PIGK: variants seen among roughly 807,000 people sequenced by gnomAD.
PIGK encodes phosphatidylinositol glycan anchor biosynthesis class K, also known as GPI-anchor transamidase.
In PIGK, 42 loss-of-function variants were observed where a neutral mutation model predicts 50.6. The ratio of observed to expected loss-of-function variants is 0.83; its 90% CI spans 0.65 to 1.07. The LOEUF is 1.07. PIGK is among the 50% of genes least tolerant of loss of function. PIGK has a pLI of 0.00. For missense variants in PIGK, 448 were observed against 488.7 expected (o/e 0.92, Z 0.78); for synonymous variants, 151 against 156.0 (o/e 0.97, Z 0.24).
rs143566179 is a variant in PIGK at position 77,166,869 on chromosome 1, AC to A, written c.376-40del. 3,051 of 948,916 alleles carry A rather than the reference AC, an allele frequency of 3.2e-3. 68 individuals are homozygous for A. In the African/African-American group the frequency reaches 0.045, roughly 14 times the overall value. 58.8% of individuals were successfully genotyped at this position (948,916 alleles called of 1,614,324 possible). ...AACAAGAAAAATCAGATGAAATAAAACCTGGGAAATCTTGACAAATTACTTT... is the reference window on the plus strand; with the variant it reads ...AACAAGAAAAATCAGATGAAATAAAACTGGGAAATCTTGACAAATTACTTT... On this transcript the variant is annotated intron_variant, in intron 4 of 10. Transcript: ENST00000370812.
chr1:77,166,913 C>T, intron 4 of PIGK, 83 bp from the exon 5 acceptor site: 1 of 722,032 alleles, frequency 1.4e-6, no homozygotes, highest in Admixed American at 2.8e-5. Flanking sequence ...CAAAAATGTT[C>T]ATTGTTCTTT....
At chr1:77,104,299 A>G (rs771543027) in intron 10 of PIGK, among the ~76,000 whole-genome samples, 27 of 152,176 alleles carry the variant, frequency 1.8e-4, no homozygotes, top group Admixed American at 8.5e-4. Context: ...TTCAATGGAC[A>G]GGGATCTGAA....
At chr1:77,166,680 A>G (rs1239477181) in intron 5 of PIGK, 39 bp downstream of exon 5, 1 of 970,858 alleles carries the variant, frequency 1.0e-6, no homozygotes, top group Non-Finnish European at 1.6e-6. Flanking sequence ...AAAGAGTTTC[A>G]ATATACTCTA....
intron 9 of PIGK, among the ~76,000 whole-genome samples, chr1:77,148,871 C>T (rs1324591170): frequency 4.6e-5 from 7 of 152,148 alleles, no homozygotes; most frequent in South Asian, 2.1e-4. Context: ...CGCACTGCCA[C>T]GCTCAGCTAA....
chr1:77,167,919 G>T (rs1415003443), intron 4 of PIGK, among the ~76,000 whole-genome samples: 9 of 151,920 alleles, frequency 5.9e-5, no homozygotes, highest in Admixed American at 5.9e-4. Flanking sequence ...TCACTACCTG[G>T]GTGACAGGCT....
chr1:77,121,458 C>T (rs1340071796), intron 10 of PIGK, among the ~76,000 whole-genome samples: 1 of 152,096 alleles, frequency 6.6e-6, no homozygotes, highest in African/African-American at 2.4e-5. Context: ...AAAGTTCTAA[C>T]TGGCACTTCT....
intron 2 of PIGK, among the ~76,000 whole-genome samples, chr1:77,207,230 A>G (rs1319565165): frequency 1.3e-5 from 2 of 152,234 alleles, no homozygotes; most frequent in Non-Finnish European, 2.9e-5. Context: ...AACTAGTATT[A>G]GATTTTAAAA....
rs761731119 is a variant in PIGK at position 77,154,449 on chromosome 1, C to G, written c.986G>C (p.Ser329Thr). Residue 329 changes from serine (S) to threonine (T), a missense_variant and splice_region_variant, in exon 9 of 11, where the codon AGC becomes ACC. Transcript: ENST00000370812. ...TCAAATAATGGTTTAAGATGAATAC[C>G]TGCTTTCCATGATTTCTGAATCCTG... is the stretch of plus-strand genomic sequence containing the variant. ...LQQDSEIMESSYKEDQMDEKL... is the reference protein window; with the variant it reads ...LQQDSEIMESTYKEDQMDEKL... 6.2e-7 allele frequency: 1 copy of G among 1,601,790 alleles called. No homozygotes were observed. Among genetic ancestry groups the G allele is most frequent in the African/African-American group, 1.3e-5 (1 of 74,722 alleles).
intron 7 of PIGK, 69 bp from the exon 8 acceptor site, chr1:77,161,474 A>G: frequency 9.5e-7 from 1 of 1,055,070 alleles, no homozygotes; most frequent in Non-Finnish European, 1.5e-6. Flanking sequence ...ATGTAACCAA[A>G]ATTTCCTTCT....
At chr1:77,156,808 T>C (rs998202616) in intron 8 of PIGK, among the ~76,000 whole-genome samples, 4 of 152,172 alleles carry the variant, frequency 2.6e-5, no homozygotes, top group Non-Finnish European at 2.9e-5. Context: ...TTAGTAGATA[T>C]TCAATGAGCA....
chr1:77,111,083 C>T (rs367598810), intron 10 of PIGK, among the ~76,000 whole-genome samples: 3 of 151,918 alleles, frequency 2.0e-5, no homozygotes, highest in Non-Finnish European at 4.4e-5. Flanking sequence ...GTTAGAATGG[C>T]GATCATTAAA....
chr1:77,161,585 T>C lies in PIGK; in HGVS notation c.702+9A>G, dbSNP rs966346767. ...AGACACAGTTTACAAATGGGGAAAA[T>C]GCACATACCGAGAGTGAATCTTCTC... On this transcript the variant is annotated intron_variant, in intron 7 of 10. Coordinates refer to ENST00000370812, the MANE Select transcript of PIGK (RefSeq NM_005482.3). 4.1e-6 allele frequency: 5 copies of C among 1,222,472 alleles called. No individual in the cohort carries two copies. The African/African-American group carries it at 5.9e-5, about 15-fold the overall frequency. The allele number at this position is 1,222,472 out of a possible 1,614,324, so 75.7% of individuals were successfully genotyped here. A position where few individuals can be genotyped will look rare whatever the true frequency, so the allele number is the denominator to read the frequency against.
chr1:77,136,538 A>G (rs983882541), intron 9 of PIGK, among the ~76,000 whole-genome samples: 11 of 143,744 alleles, frequency 7.7e-5, no homozygotes, highest in African/African-American at 3.0e-4. Context: ...CTCCGTCTCA[A>G]AAAAAAAAAA....
chr1:77,205,452 C>A (rs1042924438), intron 3 of PIGK, among the ~76,000 whole-genome samples: 1 of 151,506 alleles, frequency 6.6e-6, no homozygotes, highest in African/African-American at 2.4e-5. Flanking sequence ...CTGAAATGAT[C>A]TATTCACAAA....
intron 9 of PIGK, among the ~76,000 whole-genome samples, chr1:77,123,384 AG>A (rs1224719296): frequency 6.6e-6 from 1 of 152,214 alleles, no homozygotes; most frequent in East Asian, 1.9e-4. Context: ...GAATCTAATG[AG>A]AACTCTAGAA....
intron 3 of PIGK, among the ~76,000 whole-genome samples, chr1:77,183,118 T>C (rs1655659238): frequency 6.6e-6 from 1 of 152,120 alleles, no homozygotes; most frequent in Admixed American, 6.5e-5. Context: ...TGACCTGTAA[T>C]GAAAAATGCA....
At chr1:77,103,860 T>C (rs7550325) in intron 10 of PIGK, among the ~76,000 whole-genome samples, 35,323 of 151,896 alleles carry the variant, frequency 0.23, 5,074 homozygotes, top group Non-Finnish European at 0.32. Flanking sequence ...TACCTATAGC[T>C]GGTAGAAGGG....
chr1:77,124,328 G>C (rs1654176995), intron 9 of PIGK, among the ~76,000 whole-genome samples: 1 of 152,086 alleles, frequency 6.6e-6, no homozygotes. Flanking sequence ...ACACATACAG[G>C]CCAGGCACAG....
rs1256071893 is a variant in PIGK, at chr1:77,096,889, T to TG, written c.1072-4400_1072-4399insC. Among the ~76,000 whole-genome samples the TG allele has an allele frequency of 2.6e-3, 384 of 149,018 alleles. 2 individuals carry two copies. Among genetic ancestry groups the TG allele is most frequent in the African/African-American group, 8.5e-3 (341 of 40,094 alleles). On this transcript the variant is annotated intron_variant, in intron 10 of 10. Coordinates refer to ENST00000370812, the MANE Select transcript of PIGK (RefSeq NM_005482.3). Reference sequence around the variant, plus strand: ...TGTAGCTTCGGGTTTTTCTTTTTTTTTTTTTTTTGTTTTTTTGTTTTTTTG... The same window carrying TG: ...TGTAGCTTCGGGTTTTTCTTTTTTTTGTTTTTTTTGTTTTTTTGTTTTTTTG...
Sources: gnomAD v4.1 joint callset for allele counts (sites outside exome capture counted in the v4.1 genomes callset) on GRCh38, gnomAD v4.1.1 for gene constraint, MANE v1.5 for transcripts, NCBI Gene and HGNC (gene_info 2026-07-23, HGNC 2026-07-21) for gene names.